COBLL1: variants seen among roughly 807,000 people sequenced by gnomAD.
COBLL1 encodes cordon-bleu WH2 repeat protein like 1.
A neutral mutation model predicts 94.8 loss-of-function variants in COBLL1; 50 were observed. The ratio of observed to expected loss-of-function variants is 0.53; its 90% CI spans 0.42 to 0.67. The LOEUF (loss-of-function observed/expected upper bound fraction) is 0.67. Ranked by LOEUF, COBLL1 falls within the 30% of genes least tolerant of loss-of-function variation. COBLL1 has a pLI of 0.00. For missense variants in COBLL1, 1,362 were observed against 1,348.7 expected, an observed-to-expected ratio of 1.01 and a Z score of -0.15; for synonymous variants, 448 against 473.8, an observed-to-expected ratio of 0.95 and a Z score of 0.71.
In COBLL1 at chr2:164,692,215, A is replaced by T; in HGVS notation, c.3300+6T>A. On this transcript the variant is annotated splice_donor_region_variant and intron_variant, in intron 13 of 13. Transcript: ENST00000652658. ...CACTGTCACCCATCTGATAAAGAAGACTTACCCTTTTCAATTTGGCAGCAG... is the reference window on the plus strand; with the variant it reads ...CACTGTCACCCATCTGATAAAGAAGTCTTACCCTTTTCAATTTGGCAGCAG... 3.1e-6 allele frequency: 5 copies of T among 1,595,994 alleles called. No homozygotes were observed. Among genetic ancestry groups the T allele is most frequent in the Non-Finnish European group, 4.3e-6 (5 of 1,172,620 alleles).
chr2:164,773,735 G>A, intron 2 of COBLL1: 1 of 1,296,894 alleles, frequency 7.7e-7, no homozygotes, highest in Admixed American at 2.4e-5. Flanking sequence ...CCATAAAACA[G>A]TATTGTTCCT....
intron 2 of COBLL1, among the ~76,000 whole-genome samples, chr2:164,814,922 TAA>T (rs951458486): frequency 1.3e-5 from 2 of 152,212 alleles, no homozygotes; most frequent in Non-Finnish European, 2.9e-5. Flanking sequence ...ATATTTGACA[TAA>T]GTGTCTCAGC....
intron 4 of COBLL1, among the ~76,000 whole-genome samples, chr2:164,729,075 C>T (rs1122004): frequency 0.19 from 28,224 of 151,400 alleles, 3,244 homozygotes; most frequent in African/African-American, 0.32. Context: ...TAGACAGAAA[C>T]AAATACCTAG....
At chr2:164,703,481 C>T (rs980824869) in intron 9 of COBLL1, 15 of 410,996 alleles carry the variant, frequency 3.6e-5, no homozygotes, top group Non-Finnish European at 6.4e-5. Context: ...CAATACATTT[C>T]CTTTGTGGAA....
At chr2:164,833,551 C>A (rs918507438) in intron 2 of COBLL1, among the ~76,000 whole-genome samples, 2 of 151,552 alleles carry the variant, frequency 1.3e-5, no homozygotes, top group Non-Finnish European at 2.9e-5. Flanking sequence ...CCCGGGTTCA[C>A]GCCATTCTCC....
At chr2:164,719,921 A>T (rs1685361598) in intron 7 of COBLL1, among the ~76,000 whole-genome samples, 1 of 152,178 alleles carries the variant, frequency 6.6e-6, no homozygotes, top group Admixed American at 6.5e-5. Context: ...AATGAATAAA[A>T]GAAACAGTGA....
In COBLL1 at chr2:164,695,362, A is replaced by G; in HGVS notation, c.2030T>C (p.Ile677Thr). 6.2e-7 allele frequency: 1 copy of G among 1,613,942 alleles called. No homozygotes were observed. The highest frequency in any genetic ancestry group is 8.5e-7 in the Non-Finnish European group (1 of 1,179,924). ...SEDPLTVKDP[I>T]CAHGNDDLLP... ...AAGATCATCATTACCATGTGCACAAATTGGATCTTTTACGGTAAGCGGATC... is the reference window on the plus strand; with the variant it reads ...AAGATCATCATTACCATGTGCACAAGTTGGATCTTTTACGGTAAGCGGATC... Residue 677 changes from isoleucine to threonine, a missense_variant, in exon 12 of 14, where the codon ATT becomes ACT. Ile to Thr is a moderately conservative substitution (Grantham distance 89, BLOSUM62 -1). Coordinates refer to ENST00000652658, the MANE Select transcript of COBLL1 (RefSeq NM_001365672.2).
At chr2:164,753,298 C>T (rs57053249) in intron 2 of COBLL1, among the ~76,000 whole-genome samples, 2,114 of 152,244 alleles carry the variant, frequency 0.014, 39 homozygotes, top group African/African-American at 0.048. Flanking sequence ...ATTTCAACAC[C>T]TGGAATACCA....
intron 1 of COBLL1, among the ~76,000 whole-genome samples, chr2:164,666,266 A>G (rs1015146739): frequency 6.6e-6 from 1 of 152,240 alleles, no homozygotes; most frequent in African/African-American, 2.4e-5. Flanking sequence ...TTGGTTGCCC[A>G]GTACATATAA....
At chr2:164,751,607 G>A (rs1687129452) in intron 2 of COBLL1, among the ~76,000 whole-genome samples, 1 of 151,996 alleles carries the variant, frequency 6.6e-6, no homozygotes, top group South Asian at 2.1e-4. Context: ...CATTTAGCTG[G>A]GGTTTACAGA....
At chr2:164,679,660 T>C (rs145773741), downstream of COBLL1, among the ~76,000 whole-genome samples, 2 of 151,866 alleles carry the variant, frequency 1.3e-5, no homozygotes, top group Non-Finnish European at 2.9e-5. Flanking sequence ...CCTATTTCTC[T>C]CGTCCCTCTT....
In COBLL1 at chr2:164,802,629, C is replaced by G. The variant is rs1406889737; in HGVS notation, c.41+38527G>C. ...ATTGGGTGATCTGATAAAGTTAGAA[C>G]ATACATATGTTCAGGTTTTAGATAT... On this transcript the variant is annotated intron_variant, in intron 2 of 13. Coordinates refer to ENST00000652658, the MANE Select transcript of COBLL1 (RefSeq NM_001365672.2). Among the ~76,000 whole-genome samples the G allele has an allele frequency of 2.0e-5, 3 of 152,162 alleles. No individual in the cohort carries two copies. The East Asian group carries it at 5.8e-4, about 29-fold the overall frequency.
intron 1 of COBLL1, among the ~76,000 whole-genome samples, chr2:164,669,671 C>G (rs1691215852): frequency 6.6e-6 from 1 of 152,322 alleles, no homozygotes; most frequent in Non-Finnish European, 1.5e-5. Flanking sequence ...AAAGGATAGG[C>G]CATCTATCTA....
Position 164,684,571 on chromosome 2 carries a change from A to T in COBLL1, c.*1375T>A, listed in dbSNP as rs185336756. The T allele has an allele frequency of 6.6e-5, 10 of 152,294 alleles. No homozygotes were observed. Among genetic ancestry groups the T allele is most frequent in the African/African-American group, 2.4e-4 (10 of 41,582 alleles). 9.4% of individuals were successfully genotyped at this position (152,294 alleles called of 1,614,324 possible). On this transcript the variant is annotated 3_prime_UTR_variant, in exon 14 of 14. Transcript: ENST00000652658. ...CATGCCATGTATCAGGAACTATGCT[A>T]AACATTTTAAATGCTTAGACCATGC...
intron 7 of COBLL1, among the ~76,000 whole-genome samples, chr2:164,721,061 G>A (rs1016813870): frequency 3.3e-5 from 5 of 152,160 alleles, no homozygotes; most frequent in African/African-American, 1.2e-4. Flanking sequence ...TCTTTGAGTT[G>A]CATGTATGAT....
intron 2 of COBLL1, among the ~76,000 whole-genome samples, chr2:164,795,654 A>C (rs1224308903): frequency 6.6e-6 from 1 of 152,110 alleles, no homozygotes; most frequent in Non-Finnish European, 1.5e-5. Context: ...ACAATATCTA[A>C]GGTGTTTTAC....
chr2:164,835,569 G>A (rs1444655214), intron 2 of COBLL1, among the ~76,000 whole-genome samples: 2 of 152,092 alleles, frequency 1.3e-5, no homozygotes, highest in South Asian at 2.1e-4. Context: ...AATGATGGAA[G>A]GTGGTGATGG....
chr2:164,794,659 CAGGGAA>C (rs1223872457), intron 2 of COBLL1, among the ~76,000 whole-genome samples: 1 of 152,024 alleles, frequency 6.6e-6, no homozygotes, highest in African/African-American at 2.4e-5. Context: ...AAGGCAGTGA[CAGGGAA>C]AGGAAAGAGA....
intron 2 of COBLL1, among the ~76,000 whole-genome samples, chr2:164,788,668 A>G (rs1683007723): frequency 6.6e-6 from 1 of 152,138 alleles, no homozygotes; most frequent in African/African-American, 2.4e-5. Flanking sequence ...TGGAATTTAC[A>G]CAGAATACAG....
Sources: gnomAD v4.1 joint callset for allele counts (sites outside exome capture counted in the v4.1 genomes callset) on GRCh38, gnomAD v4.1.1 for gene constraint, MANE v1.5 for transcripts, NCBI Gene and HGNC (gene_info 2026-07-23, HGNC 2026-07-21) for gene names.